The following PROM1 variants were observed in gnomAD, a reference collection of about 807,000 sequenced individuals.
PROM1 encodes prominin 1, also known as prominin-1.
Under a neutral mutation model 116.9 loss-of-function variants are expected in PROM1, and 105 were observed. The observed-to-expected ratio is 0.90, with a 90% CI of 0.77 to 1.06. PROM1 has a LOEUF of 1.06. Among genes scored for constraint, PROM1 ranks in the 50% least tolerant of loss-of-function variants. The pLI, the probability that PROM1 is intolerant of heterozygous loss-of-function variation, is 0.00. For missense variants in PROM1, 1,122 were observed against 1,045.2 expected (o/e 1.07, Z -1.01); for synonymous variants, 393 against 387.0 (o/e 1.02, Z -0.18).
chr4:15,976,436 C>T (rs1051816580), intron 26 of PROM1, among the ~76,000 whole-genome samples: 5 of 152,338 alleles, frequency 3.3e-5, no homozygotes, highest in South Asian at 4.1e-4. Context: ...TGACGCTACA[C>T]GCAGGACATC....
intron 2 of PROM1, among the ~76,000 whole-genome samples, chr4:16,050,888 A>G (rs561009136): frequency 5.3e-5 from 8 of 152,334 alleles, no homozygotes; most frequent in African/African-American, 1.9e-4. Context: ...GCACAAATAC[A>G]TTTCAGAGTC....
intron 22 of PROM1, among the ~76,000 whole-genome samples, chr4:15,985,027 G>A (rs920450725): frequency 6.6e-6 from 1 of 152,042 alleles, no homozygotes; most frequent in Non-Finnish European, 1.5e-5. Context: ...AGTTACAGTC[G>A]GCCCTCCATA....
chr4:16,017,647 C>A (rs1343455741), intron 9 of PROM1, among the ~76,000 whole-genome samples: 1 of 152,148 alleles, frequency 6.6e-6, no homozygotes, highest in African/African-American at 2.4e-5. Context: ...ATGGCGTAAC[C>A]CTGTCTCTAC....
intron 2 of PROM1, among the ~76,000 whole-genome samples, chr4:16,071,519 A>C (rs374404550): frequency 6.6e-6 from 1 of 152,248 alleles, no homozygotes; most frequent in South Asian, 2.1e-4. Context: ...TGGGAGAGGT[A>C]ATTAGGTTTA....
rs148261342 is a variant in PROM1 at position 16,070,175 on chromosome 4, G to A, written c.220+5512C>T. 2.1e-3 allele frequency among the ~76,000 whole-genome samples: 324 copies of A among 152,260 alleles called. 2 individuals are homozygous for A. The highest frequency in any genetic ancestry group is 7.5e-3 in the African/African-American group (310 of 41,550). On this transcript the variant is annotated intron_variant, in intron 2 of 27. Coordinates refer to ENST00000447510, the MANE Select transcript of PROM1 (RefSeq NM_006017.3). ...CTTTAGATCAACCTCTCAAGATTGA[G>A]AGGTTGGTAAATTTGGCAATTTTGA...
intron 3 of PROM1, among the ~76,000 whole-genome samples, chr4:16,036,957 T>C (rs574011711): frequency 1.3e-5 from 2 of 152,048 alleles, no homozygotes; most frequent in South Asian, 4.2e-4. Flanking sequence ...CCACCCAGAG[T>C]TTTTATTCAT....
chr4:16,003,216 T>C, intron 13 of PROM1: 1 of 445,716 alleles, frequency 2.2e-6, no homozygotes, highest in Non-Finnish European at 4.6e-6. Flanking sequence ...CGCATGGATG[T>C]GTCATAACTC....
chr4:16,056,194 A>T (rs1304487047), intron 2 of PROM1, among the ~76,000 whole-genome samples: 2 of 152,152 alleles, frequency 1.3e-5, no homozygotes, highest in Non-Finnish European at 2.9e-5. Context: ...TGTTTCTAGG[A>T]GCAGTCGGCC....
intron 2 of PROM1, among the ~76,000 whole-genome samples, chr4:16,045,672 C>G (rs912353309): frequency 3.3e-5 from 5 of 152,088 alleles, no homozygotes; most frequent in Non-Finnish European, 5.9e-5. Flanking sequence ...TAAACATACA[C>G]ATGACACATG....
At chr4:16,000,713 C>T in intron 13 of PROM1, 94 bp from the exon 14 acceptor site, 1 of 1,099,852 alleles carries the variant, frequency 9.1e-7, no homozygotes, top group South Asian at 2.1e-5. Flanking sequence ...ATAAAATAGC[C>T]CTGGGGTCTT....
Position 15,984,381 on chromosome 4 carries a change from C to T in PROM1, c.2281-26G>A, listed in dbSNP as rs762214656. On this transcript the variant is annotated intron_variant, in intron 22 of 27. Coordinates refer to ENST00000447510, the MANE Select transcript of PROM1 (RefSeq NM_006017.3). ...CTAGGGGGGTGGAAACACAGGGAAA[C>T]TTTGAGCTGCATCCACAAAAACCCA... 3.2e-5 allele frequency: 48 copies of T among 1,479,860 alleles called. 2 individuals carry two copies. In the South Asian group the frequency reaches 6.1e-4, roughly 19 times the overall value. The allele number at this position is 1,479,860 out of a possible 1,614,324, so 91.7% of individuals were successfully genotyped here. A position where few individuals can be genotyped will look rare whatever the true frequency, so the allele number is the denominator to read the frequency against.
At position 16,075,987 on chromosome 4, in the gene PROM1, C is replaced by G; in HGVS notation, c.-81G>C. The G allele has an allele frequency of 1.4e-6, 2 of 1,477,276 alleles. No individual in the cohort carries two copies. The highest frequency in any genetic ancestry group is 1.8e-6 in the Non-Finnish European group (2 of 1,111,906). 91.5% of individuals were successfully genotyped at this position (1,477,276 alleles called of 1,614,324 possible). On this transcript the variant is annotated 5_prime_UTR_variant, in exon 2 of 28. Coordinates refer to ENST00000447510, the MANE Select transcript of PROM1 (RefSeq NM_006017.3). ...TTCTGGAAGCCTTGGGGAAGGCAAG[C>G]GTGTTCCTGGGCAGAAGAGGAGCAG...
chr4:16,018,320 C>A lies in PROM1; in HGVS notation c.1002+3G>T. The A allele has an allele frequency of 6.2e-7, 1 of 1,612,442 alleles. No individual in the cohort carries two copies. Among genetic ancestry groups the A allele is most frequent in the Non-Finnish European group, 8.5e-7 (1 of 1,179,614 alleles). ...TGACCATGGCAAGCTCATGCCTGCT[C>A]ACCTGCCTCAGTTCAGGGTTGCTAT... On this transcript the variant is annotated splice_donor_region_variant and intron_variant, in intron 9 of 27. Transcript: ENST00000447510.
intron 7 of PROM1, among the ~76,000 whole-genome samples, chr4:16,023,762 T>A (rs996610351): frequency 6.6e-6 from 1 of 152,188 alleles, no homozygotes; most frequent in African/African-American, 2.4e-5. Flanking sequence ...CTTAGAGACA[T>A]CCCTGGCTTT....
chr4:16,027,226 A>G (rs1410013547), intron 5 of PROM1, among the ~76,000 whole-genome samples: 2 of 152,120 alleles, frequency 1.3e-5, no homozygotes, highest in Non-Finnish European at 2.9e-5. Context: ...AATAAGAGTT[A>G]TGAAATCAGG....
chr4:16,047,756 C>T (rs4698442), intron 2 of PROM1, among the ~76,000 whole-genome samples: 124,874 of 152,000 alleles, frequency 0.82, 51,667 homozygotes, highest in East Asian at 0.94. Context: ...GAGCAGAACA[C>T]CTCTGAGCAG....
At chr4:16,080,305 G>A (rs1172832866) in intron 1 of PROM1, among the ~76,000 whole-genome samples, 1 of 151,896 alleles carries the variant, frequency 6.6e-6, no homozygotes. Context: ...CGGATCACGA[G>A]GTCAGGAGAT....
In PROM1 at chr4:16,033,477, G is replaced by C. The variant is rs1272497773; in HGVS notation, c.336C>G (p.Cys112Trp). The C allele has an allele frequency of 6.2e-7, 1 of 1,608,404 alleles. No homozygotes were observed. Among genetic ancestry groups the C allele is most frequent in the Non-Finnish European group, 8.5e-7 (1 of 1,177,364 alleles). ...TAATAAACAGCAGCCCCAGGACACA[G>C]CATAGAATAATCCCTGCTTCATAGT... ...IVYYEAGIIL[C>W]CVLGLLFIIL... Residue 112 changes from cysteine to tryptophan, a missense_variant, in exon 5 of 28, where the codon TGC (cysteine) becomes TGG (tryptophan). Physicochemically the swap from Cys to Trp is radical, Grantham distance 215 (BLOSUM62 -2). Transcript: ENST00000447510.
intron 24 of PROM1, chr4:15,980,206 A>G: frequency 1.6e-6 from 1 of 633,994 alleles, no homozygotes; most frequent in Non-Finnish European, 2.8e-6. Flanking sequence ...GGAAGCTGAG[A>G]GGATTAAGCA....
Sources: gnomAD v4.1 joint callset for allele counts (sites outside exome capture counted in the v4.1 genomes callset) on GRCh38, gnomAD v4.1.1 for gene constraint, MANE v1.5 for transcripts, NCBI Gene and HGNC (gene_info 2026-07-23, HGNC 2026-07-21) for gene names.